PDE4D: variants seen among roughly 807,000 people sequenced by gnomAD.
PDE4D encodes 3',5'-cyclic-AMP phosphodiesterase 4D.
In PDE4D, 24 loss-of-function variants were observed where a neutral mutation model predicts 87.4. That is an observed-to-expected ratio of 0.27 (90% CI 0.20 to 0.39). The LOEUF (loss-of-function observed/expected upper bound fraction) is 0.39. Among genes scored for constraint, PDE4D ranks in the 10% least tolerant of loss-of-function variants. The pLI is 1.00. For synonymous variants in PDE4D, 384 were observed against 383.2 expected, an observed-to-expected ratio of 1.00 and a Z score of -0.02; for missense variants, 714 against 1,041.0, an observed-to-expected ratio of 0.69 and a Z score of 4.32.
intron 1 of PDE4D, among the ~76,000 whole-genome samples, chr5:59,395,004 G>A (rs529721776): frequency 1.8e-4 from 27 of 152,270 alleles, no homozygotes; most frequent in African/African-American, 4.3e-4. Flanking sequence ...ACTCCCACCC[G>A]AATACTGCGC....
intron 1 of PDE4D, among the ~76,000 whole-genome samples, chr5:59,831,674 T>C (rs1382507542): frequency 1.3e-5 from 2 of 152,108 alleles, no homozygotes; most frequent in African/African-American, 4.8e-5. Flanking sequence ...TCTACAGCTC[T>C]TGGATCTGTT....
intron 3 of PDE4D, among the ~76,000 whole-genome samples, chr5:59,979,808 G>T (rs2152824131): frequency 6.6e-6 from 1 of 152,208 alleles, no homozygotes; most frequent in African/African-American, 2.4e-5. Flanking sequence ...GTTCTAGAAA[G>T]AATTCTAAGT....
intron 5 of PDE4D, among the ~76,000 whole-genome samples, chr5:59,150,832 T>G (rs144871869): frequency 6.6e-6 from 1 of 151,906 alleles, no homozygotes; most frequent in African/African-American, 2.4e-5. Context: ...GAAAAAAAAA[T>G]TTTTAAATCT....
intron 1 of PDE4D, among the ~76,000 whole-genome samples, chr5:59,626,050 T>C (rs1192657878): frequency 6.6e-6 from 1 of 152,218 alleles, no homozygotes; most frequent in African/African-American, 2.4e-5. Context: ...ATTGTGCCAC[T>C]GTACTCCAGC....
intron 1 of PDE4D, among the ~76,000 whole-genome samples, chr5:59,220,377 C>CAA (rs57610513): frequency 0.016 from 567 of 36,032 alleles, 39 homozygotes; most frequent in African/African-American, 0.029. Context: ...GACTCTGTCT[C>CAA]AAAAAAAAAA....
chr5:59,169,716 A>G (rs1018725849), intron 5 of PDE4D, among the ~76,000 whole-genome samples: 6 of 152,246 alleles, frequency 3.9e-5, no homozygotes, highest in African/African-American at 1.4e-4. Context: ...GCTATCATCA[A>G]CTCAATGACA....
At chr5:59,524,165 G>A (rs981969040) in intron 1 of PDE4D, among the ~76,000 whole-genome samples, 1 of 152,178 alleles carries the variant, frequency 6.6e-6, no homozygotes, top group African/African-American at 2.4e-5. Context: ...GAACAGTTTG[G>A]AGGCCTCAGA....
At chr5:59,255,049 C>G (rs1760709301) in intron 1 of PDE4D, among the ~76,000 whole-genome samples, 1 of 152,046 alleles carries the variant, frequency 6.6e-6, no homozygotes, top group African/African-American at 2.4e-5. Flanking sequence ...CCCAGCAATT[C>G]CACTACTAGG....
chr5:59,870,288 A>G (rs1457293470), intron 1 of PDE4D, among the ~76,000 whole-genome samples: 1 of 152,226 alleles, frequency 6.6e-6, no homozygotes, highest in Non-Finnish European at 1.5e-5. Context: ...GCTTCATTCC[A>G]ACAATATATT....
chr5:59,920,618 C>G (rs1314186633), intron 3 of PDE4D, among the ~76,000 whole-genome samples: 1 of 152,110 alleles, frequency 6.6e-6, no homozygotes, highest in Non-Finnish European at 1.5e-5. Flanking sequence ...GCCACATTAT[C>G]CAGGCTTGAA....
chr5:60,458,730 G>T (rs1746683255), intron 1 of PDE4D, among the ~76,000 whole-genome samples: 1 of 147,488 alleles, frequency 6.8e-6, no homozygotes, highest in Admixed American at 6.6e-5. Context: ...AGCACATCAA[G>T]ATAATGAGTG....
At chr5:59,890,315 A>C (rs1004165044) in intron 1 of PDE4D, among the ~76,000 whole-genome samples, 1 of 151,896 alleles carries the variant, frequency 6.6e-6, no homozygotes, top group Non-Finnish European at 1.5e-5. Flanking sequence ...GTTTGCTTTT[A>C]GAAAATTATT....
chr5:59,266,872 CA>C (rs1762942591), intron 1 of PDE4D, among the ~76,000 whole-genome samples: 1 of 152,006 alleles, frequency 6.6e-6, no homozygotes, highest in Non-Finnish European at 1.5e-5. Flanking sequence ...ACAACAACAA[CA>C]AATATGGGAT....
At chr5:59,123,592 C>T (rs951203665) in intron 5 of PDE4D, among the ~76,000 whole-genome samples, 1 of 152,128 alleles carries the variant, frequency 6.6e-6, no homozygotes, top group African/African-American at 2.4e-5. Context: ...AGTTTCCTGC[C>T]TTGGATATTG....
intron 1 of PDE4D, among the ~76,000 whole-genome samples, chr5:59,227,366 A>T (rs186090041): frequency 1.3e-5 from 2 of 152,322 alleles, no homozygotes; most frequent in East Asian, 3.9e-4. Flanking sequence ...AAGCAATTGC[A>T]ACAAAAGCAA....
intron 1 of PDE4D, among the ~76,000 whole-genome samples, chr5:60,267,081 T>C (rs1750292238): frequency 6.6e-6 from 1 of 152,188 alleles, no homozygotes; most frequent in Admixed American, 6.5e-5. Context: ...TGAAGCGCTA[T>C]GCAAAAAGTT....
At chr5:59,307,565 C>T (rs1265778248) in intron 1 of PDE4D, among the ~76,000 whole-genome samples, 1 of 152,074 alleles carries the variant, frequency 6.6e-6, no homozygotes, top group Non-Finnish European at 1.5e-5. Context: ...TGAACAGACA[C>T]TTCTCAAAAG....
At chr5:59,103,624 C>T (rs1244575632) in intron 5 of PDE4D, among the ~76,000 whole-genome samples, 1 of 152,182 alleles carries the variant, frequency 6.6e-6, no homozygotes, top group Non-Finnish European at 1.5e-5. Context: ...TCTTTATTGA[C>T]TTCTGGCTGG....
intron 2 of PDE4D, among the ~76,000 whole-genome samples, chr5:60,060,561 A>G (rs969690341): frequency 6.6e-6 from 1 of 152,076 alleles, no homozygotes. Flanking sequence ...TTTACATAGC[A>G]TGCTTGCCTT....
Sources: gnomAD v4.1 joint callset for allele counts (sites outside exome capture counted in the v4.1 genomes callset) on GRCh38, gnomAD v4.1.1 for gene constraint, MANE v1.5 for transcripts, NCBI Gene and HGNC (gene_info 2026-07-23, HGNC 2026-07-21) for gene names.